Variants in RAB39A observed in about 807,000 individuals in gnomAD.
RAB39A encodes ras-related protein Rab-39A.
RAB39A carries 17 observed loss-of-function variants against 20.9 expected under a neutral mutation model. That is an observed-to-expected ratio of 0.81 (90% confidence interval 0.56 to 1.22). The LOEUF is 1.22. RAB39A is among the 50% of genes most tolerant of loss of function. The pLI is 0.00. For missense variants in RAB39A, 234 were observed against 270.5 expected, an observed-to-expected ratio of 0.87 and a Z score of 0.95; for synonymous variants, 99 against 103.4, an observed-to-expected ratio of 0.96 and a Z score of 0.26.
intron 1 of RAB39A, among the ~76,000 whole-genome samples, chr11:107,948,495 C>G (rs116650330): frequency 0.012 from 1,817 of 152,096 alleles, 37 homozygotes; most frequent in African/African-American, 0.041. Flanking sequence ...CACCCCTCCC[C>G]CGACCACCCC....
At chr11:107,938,439 G>A (rs899252732) in intron 1 of RAB39A, among the ~76,000 whole-genome samples, 1 of 150,442 alleles carries the variant, frequency 6.6e-6, no homozygotes, top group East Asian at 2.0e-4. Flanking sequence ...GATCTGTGTA[G>A]CCAGACATTT....
intron 1 of RAB39A, among the ~76,000 whole-genome samples, chr11:107,937,231 C>A (rs1349044084): frequency 2.6e-5 from 4 of 151,602 alleles, no homozygotes; most frequent in African/African-American, 9.7e-5. Flanking sequence ...AACTCTTGGG[C>A]TCCAGTGATC....
At chr11:107,952,758 C>T (rs1861394573) in intron 1 of RAB39A, among the ~76,000 whole-genome samples, 2 of 152,152 alleles carry the variant, frequency 1.3e-5, no homozygotes, top group Admixed American at 1.3e-4. Context: ...TGGCACATGC[C>T]TGTAGTCCCA....
At chr11:107,952,602 C>T (rs988291314) in intron 1 of RAB39A, among the ~76,000 whole-genome samples, 3 of 151,824 alleles carry the variant, frequency 2.0e-5, no homozygotes, top group African/African-American at 7.3e-5. Context: ...ATAAAGAAGG[C>T]CAGGTGCTGT....
intron 1 of RAB39A, among the ~76,000 whole-genome samples, chr11:107,936,083 A>G (rs536159539): frequency 7.9e-5 from 12 of 151,914 alleles, no homozygotes; most frequent in Non-Finnish European, 1.5e-4. Context: ...TATTTTTAGT[A>G]GAGACAGGGT....
chr11:107,951,753 G>A (rs1483781058), intron 1 of RAB39A, among the ~76,000 whole-genome samples: 1 of 151,002 alleles, frequency 6.6e-6, no homozygotes, highest in Non-Finnish European at 1.5e-5. Flanking sequence ...CCAAAGTACT[G>A]GGATTATAGG....
chr11:107,928,622 C>G lies in RAB39A; in HGVS notation c.54C>G (p.Thr18=), dbSNP rs371178841. 1 of 1,603,592 alleles carries G rather than the reference C, an allele frequency of 6.2e-7. No homozygotes were observed. Among genetic ancestry groups the G allele is most frequent in the Non-Finnish European group, 8.5e-7 (1 of 1,172,284 alleles). ...QFRLIVIGDS[T]VGKSCLLHRF... The stretch of plus-strand genomic sequence containing the variant: ...GCCTCATCGTGATCGGGGACTCCAC[C>G]GTGGGCAAGTCCTGCCTCCTGCACC... The change falls in exon 1 of 2, where the codon ACC becomes ACG. Residue 18 remains threonine (T), a synonymous_variant. Coordinates refer to ENST00000320578, the MANE Select transcript of RAB39A (RefSeq NM_017516.3). The surrounding 1 kb of genome is among the most constrained non-coding windows in gnomAD (Gnocchi z 4.9).
intron 1 of RAB39A, among the ~76,000 whole-genome samples, chr11:107,936,188 C>G (rs1861192994): frequency 6.6e-6 from 1 of 152,158 alleles, no homozygotes. Flanking sequence ...GCGTGAGCCA[C>G]TGCACCTGGC....
chr11:107,951,187 C>G (rs765806775), intron 1 of RAB39A, among the ~76,000 whole-genome samples: 3 of 152,156 alleles, frequency 2.0e-5, no homozygotes, highest in Non-Finnish European at 4.4e-5. Context: ...TAAGTGAGGG[C>G]AGGGACTGTT....
intron 1 of RAB39A, among the ~76,000 whole-genome samples, chr11:107,930,396 C>A (rs939904748): frequency 2.0e-5 from 3 of 152,066 alleles, no homozygotes; most frequent in East Asian, 3.9e-4. Flanking sequence ...GTAAACTTTG[C>A]GATATATCAG....
At position 107,962,404 on chromosome 11, in the gene RAB39A, G is replaced by T. The variant is rs1861507554; in HGVS notation, c.*32G>T. ...ACATGCTGAAGAACTAACAGGAACAGATTGGGTGTCAGTTCAGGATAAATA... is the reference window on the plus strand; with the variant it reads ...ACATGCTGAAGAACTAACAGGAACATATTGGGTGTCAGTTCAGGATAAATA... On this transcript the variant is annotated 3_prime_UTR_variant, in exon 2 of 2. Coordinates refer to ENST00000320578, the MANE Select transcript of RAB39A (RefSeq NM_017516.3). 1 of 1,549,430 alleles carries T rather than the reference G, an allele frequency of 6.5e-7. No homozygotes were observed. Among genetic ancestry groups the T allele is most frequent in the Non-Finnish European group, 8.7e-7 (1 of 1,143,092 alleles).
At chr11:107,958,755 A>C (rs1861464923) in intron 1 of RAB39A, among the ~76,000 whole-genome samples, 1 of 152,178 alleles carries the variant, frequency 6.6e-6, no homozygotes. Flanking sequence ...ATGTGTTTTC[A>C]AAATTAAATA....
chr11:107,946,426 GTGTGTGTGTGTATA>G (rs1193651893), intron 1 of RAB39A, among the ~76,000 whole-genome samples: 779 of 21,298 alleles, frequency 0.037, 6 homozygotes, highest in Non-Finnish European at 0.054. Context: ...GTGTGTGTGT[GTGTGTGTGTGTATA>G]TATATATATA....
At chr11:107,954,019 C>T (rs1208499762) in intron 1 of RAB39A, among the ~76,000 whole-genome samples, 1 of 152,138 alleles carries the variant, frequency 6.6e-6, no homozygotes, top group Admixed American at 6.6e-5. Flanking sequence ...TGTAGGATAC[C>T]ATGACTATGT....
At chr11:107,957,224 A>C (rs1861445764) in intron 1 of RAB39A, among the ~76,000 whole-genome samples, 1 of 152,256 alleles carries the variant, frequency 6.6e-6, no homozygotes, top group Admixed American at 6.5e-5. Context: ...GAATTGAAAC[A>C]GAAAGAAAAA....
Position 107,947,928 on chromosome 11 carries a change from G to A in RAB39A, c.228-14018G>A, listed in dbSNP as rs542707690. Among the ~76,000 whole-genome samples, 7 of 150,666 alleles carry A rather than the reference G, an allele frequency of 4.6e-5. No homozygotes were observed. In the South Asian group the frequency reaches 1.5e-3, roughly 32 times the overall value. ...GCAAGATTTCAAAATATTACCTCAT[G>A]TAGCTTTTTTTAAGGAAGCTACTTG... On this transcript the variant is annotated intron_variant, in intron 1 of 1. Coordinates refer to ENST00000320578, the MANE Select transcript of RAB39A (RefSeq NM_017516.3).
chr11:107,947,343 G>A (rs565355657), intron 1 of RAB39A, among the ~76,000 whole-genome samples: 2 of 152,002 alleles, frequency 1.3e-5, no homozygotes, highest in South Asian at 4.2e-4. Flanking sequence ...TCTTGACCTC[G>A]TGATTCACCG....
intron 1 of RAB39A, among the ~76,000 whole-genome samples, chr11:107,961,264 G>C (rs1861493104): frequency 6.6e-6 from 1 of 152,164 alleles, no homozygotes; most frequent in Non-Finnish European, 1.5e-5. Context: ...GTTCCAGTGA[G>C]GGCCCTCTTC....
intron 1 of RAB39A, among the ~76,000 whole-genome samples, chr11:107,932,434 T>C (rs1428894059): frequency 6.6e-6 from 1 of 152,222 alleles, no homozygotes; most frequent in East Asian, 1.9e-4. Flanking sequence ...TTTTCTGCCA[T>C]GCCTAGGATG....
Sources: allele counts gnomAD v4.1 joint callset (sites outside exome capture counted in the v4.1 genomes callset), GRCh38; gene constraint gnomAD v4.1.1; non-coding constraint Gnocchi (gnomAD v3.1); transcripts MANE v1.5; gene names NCBI Gene and HGNC (gene_info 2026-07-23, HGNC 2026-07-21).